Variants in COG6 observed in about 807,000 individuals in gnomAD.
COG6 encodes conserved oligomeric Golgi complex subunit 6.
A neutral mutation model predicts 88.8 loss-of-function variants in COG6; 74 were observed. That is an observed-to-expected ratio of 0.83 (90% CI 0.69 to 1.01). The LOEUF is 1.01. COG6 is among the 50% of genes least tolerant of loss of function. The pLI, the probability that COG6 is intolerant of heterozygous loss-of-function variation, is 0.00. For synonymous variants in COG6, 286 were observed against 278.7 expected, an observed-to-expected ratio of 1.03 and a Z score of -0.26; for missense variants, 800 against 797.9, an observed-to-expected ratio of 1.00 and a Z score of -0.03.
intron 18 of COG6, among the ~76,000 whole-genome samples, chr13:39,746,428 TAAC>T (rs1281199819): frequency 2.6e-5 from 4 of 152,106 alleles, no homozygotes; most frequent in Admixed American, 1.3e-4. Flanking sequence ...CATGCACTGC[TAAC>T]AACAACAACA....
At chr13:39,755,583 A>C (rs1173495985), downstream of COG6, among the ~76,000 whole-genome samples, 1 of 152,236 alleles carries the variant, frequency 6.6e-6, no homozygotes. Flanking sequence ...AAAAGCTCTT[A>C]CGTATTTCTG....
intron 13 of COG6, among the ~76,000 whole-genome samples, chr13:39,700,083 AAAAC>A (rs1877493076): frequency 6.6e-6 from 1 of 151,920 alleles, no homozygotes; most frequent in Admixed American, 6.6e-5. Context: ...ATCCCACAAA[AAAAC>A]AAACAACAAA....
downstream of COG6, among the ~76,000 whole-genome samples, chr13:39,757,214 A>G (rs1183880355): frequency 6.6e-6 from 1 of 152,238 alleles, no homozygotes; most frequent in Non-Finnish European, 1.5e-5. Flanking sequence ...GAAATTAAAC[A>G]AGATGCTCTT....
At chr13:39,692,399 AT>A (rs1409392237) in intron 11 of COG6, among the ~76,000 whole-genome samples, 1 of 152,006 alleles carries the variant, frequency 6.6e-6, no homozygotes. Flanking sequence ...AGTGTAGTGT[AT>A]GCTACAGACC....
At chr13:39,719,509 A>G (rs1215685813) in intron 14 of COG6, 142 bp downstream of exon 14, 13 of 1,166,070 alleles carry the variant, frequency 1.1e-5, no homozygotes, top group Admixed American at 2.0e-5. Flanking sequence ...ACCAGTTATC[A>G]TAACTTAAAA....
Position 39,751,284 on chromosome 13 carries a change from G to A in COG6, c.*191G>A. The A allele has an allele frequency of 6.6e-7, 1 of 1,508,476 alleles. No homozygotes were observed. Among genetic ancestry groups the A allele is most frequent in the South Asian group, 1.2e-5 (1 of 82,512 alleles). 93.4% of individuals were successfully genotyped at this position (1,508,476 alleles called of 1,614,324 possible). A position where few individuals can be genotyped will look rare whatever the true frequency, so the allele number is the denominator to read the frequency against. On this transcript the variant is annotated 3_prime_UTR_variant, in exon 19 of 19. Transcript: ENST00000455146. ...GTAAGTAACATGTTGACCTGAGCTA[G>A]TATTGCTGTGTATCTACTCTAAATG...
intron 18 of COG6, among the ~76,000 whole-genome samples, chr13:39,777,332 AGAGAG>A (rs1375812407): frequency 6.6e-6 from 1 of 152,144 alleles, no homozygotes; most frequent in Non-Finnish European, 1.5e-5. Flanking sequence ...GTGGCATGGG[AGAGAG>A]ATACCCCAGG....
chr13:39,739,054 A>G (rs1268498818), intron 18 of COG6, among the ~76,000 whole-genome samples: 1 of 152,166 alleles, frequency 6.6e-6, no homozygotes, highest in African/African-American at 2.4e-5. Flanking sequence ...AATACTACAC[A>G]CAAACTATAG....
intron 5 of COG6, chr13:39,678,042 G>A (rs1226749539): frequency 2.2e-6 from 1 of 449,104 alleles, no homozygotes; most frequent in Non-Finnish European, 4.4e-6. Flanking sequence ...ATACATCATA[G>A]TACAGTTAGA....
chr13:39,766,035 G>C (rs907694019), intron 18 of COG6, among the ~76,000 whole-genome samples: 1 of 152,276 alleles, frequency 6.6e-6, no homozygotes, highest in African/African-American at 2.4e-5. Context: ...CCTGATAACT[G>C]TGCCAGCCTG....
chr13:39,721,630 G>T (rs986741453), intron 15 of COG6, among the ~76,000 whole-genome samples: 1 of 152,066 alleles, frequency 6.6e-6, no homozygotes, highest in Non-Finnish European at 1.5e-5. Flanking sequence ...GCCTGGATTC[G>T]GTGTGATAGA....
At chr13:39,713,061 A>G (rs1878326141) in intron 13 of COG6, among the ~76,000 whole-genome samples, 1 of 152,248 alleles carries the variant, frequency 6.6e-6, no homozygotes, top group Non-Finnish European at 1.5e-5. Context: ...AAGTCCTGGC[A>G]TAAGTAGCAG....
chr13:39,735,647 T>A (rs1372089330), intron 18 of COG6, among the ~76,000 whole-genome samples: 1 of 152,106 alleles, frequency 6.6e-6, no homozygotes, highest in Non-Finnish European at 1.5e-5. Context: ...TCCTTTTCTT[T>A]CAGATTGAAG....
chr13:39,657,093 G>C lies in COG6; in HGVS notation c.153+1214G>C, dbSNP rs182818200. Among the ~76,000 whole-genome samples the C allele has an allele frequency of 7.2e-5, 11 of 152,208 alleles. No individual in the cohort carries two copies. In the East Asian group the frequency reaches 2.1e-3, roughly 29 times the overall value. The stretch of plus-strand genomic sequence containing the variant: ...TTGCCCAAGCTGGAGTGCAATGGGC[G>C]CAGTCTCGGCTCACTGCAACCTCTG... On this transcript the variant is annotated intron_variant, in intron 1 of 18. Coordinates refer to ENST00000455146, the MANE Select transcript of COG6 (RefSeq NM_020751.3).
intron 18 of COG6, among the ~76,000 whole-genome samples, chr13:39,772,559 A>C (rs974717039): frequency 1.3e-5 from 2 of 152,136 alleles, no homozygotes; most frequent in African/African-American, 4.8e-5. Flanking sequence ...GGTCTTTTAA[A>C]GTTAGAGGAG....
intron 12 of COG6, among the ~76,000 whole-genome samples, chr13:39,699,174 T>C (rs927996129): frequency 6.6e-6 from 1 of 151,738 alleles, no homozygotes; most frequent in African/African-American, 2.4e-5. Context: ...TCTTAGATAA[T>C]TGAGATATAT....
rs575237298 is a variant in COG6 at position 39,659,429 on chromosome 13, A to G, written c.219A>G (p.Arg73=). 1 of 1,613,726 alleles carries G rather than the reference A, an allele frequency of 6.2e-7. No individual in the cohort carries two copies. The highest frequency in any genetic ancestry group is 1.7e-5 in the Admixed American group (1 of 60,026). ...TTGAAAATAGTCTGCGGACTCGAAG[A>G]AATTTACGTGGAGATATTGAACGTA... ...FFVENSLRTR[R]NLRGDIERKS... The change falls in exon 2 of 19, where the codon AGA becomes AGG. Residue 73 remains arginine, a synonymous_variant. Coordinates refer to ENST00000455146, the MANE Select transcript of COG6 (RefSeq NM_020751.3).
intron 18 of COG6, among the ~76,000 whole-genome samples, chr13:39,761,967 A>C (rs1048644529): frequency 6.6e-6 from 1 of 151,922 alleles, no homozygotes; most frequent in Non-Finnish European, 1.5e-5. Context: ...TCCTCTAAAA[A>C]CTAAAAATAG....
chr13:39,686,432 A>G (rs1327163093), intron 8 of COG6, among the ~76,000 whole-genome samples: 1 of 152,196 alleles, frequency 6.6e-6, no homozygotes, highest in Non-Finnish European at 1.5e-5. Flanking sequence ...AAATTGTCCT[A>G]TTCCCCAGTT....
Sources: allele counts gnomAD v4.1 joint callset (sites outside exome capture counted in the v4.1 genomes callset), GRCh38; gene constraint gnomAD v4.1.1; transcripts MANE v1.5; gene names NCBI Gene and HGNC (gene_info 2026-07-23, HGNC 2026-07-21).